Variants in RORA observed in about 807,000 individuals in gnomAD.
RORA encodes nuclear receptor ROR-alpha.
RORA carries 7 observed loss-of-function variants against 69.5 expected under a neutral mutation model. The observed-to-expected ratio is 0.10, with a 90% CI of 0.06 to 0.19. The LOEUF (loss-of-function observed/expected upper bound fraction) is 0.19. Among genes scored for constraint, RORA ranks in the 10% least tolerant of loss-of-function variants. The probability of loss-of-function intolerance (pLI) is 1.00; values close to 1 mark genes in which losing one functional copy is unlikely to be tolerated. For synonymous variants in RORA, 261 were observed against 240.8 expected (o/e 1.08, Z -0.78); for missense variants, 457 against 663.0 (o/e 0.69, Z 3.41).
chr15:61,009,105 T>C (rs1895008686), intron 1 of RORA, among the ~76,000 whole-genome samples: 1 of 152,172 alleles, frequency 6.6e-6, no homozygotes, highest in South Asian at 2.1e-4. Flanking sequence ...TGAAAGAATG[T>C]CATATGCCAT....
intron 1 of RORA, among the ~76,000 whole-genome samples, chr15:60,851,020 G>C (rs1260191666): frequency 6.6e-6 from 1 of 152,168 alleles, no homozygotes; most frequent in African/African-American, 2.4e-5. Context: ...GTTGCTGAGT[G>C]AGTGGGTGTG....
At chr15:60,711,279 T>A (rs1389659300) in intron 1 of RORA, among the ~76,000 whole-genome samples, 1 of 152,198 alleles carries the variant, frequency 6.6e-6, no homozygotes, top group Admixed American at 6.5e-5. Context: ...CTAAACTGCA[T>A]ACTTCTGCAG....
At chr15:60,792,906 C>T (rs1015026042) in intron 1 of RORA, among the ~76,000 whole-genome samples, 2 of 152,052 alleles carry the variant, frequency 1.3e-5, no homozygotes, top group Non-Finnish European at 2.9e-5. Flanking sequence ...CAAATTTATA[C>T]CATATAATCA....
chr15:60,943,420 T>A (rs949453519), intron 1 of RORA, among the ~76,000 whole-genome samples: 1 of 152,038 alleles, frequency 6.6e-6, no homozygotes, highest in Non-Finnish European at 1.5e-5. Flanking sequence ...CTTTGCTGTA[T>A]CAAGGTCATA....
At chr15:60,777,961 C>G (rs16943102) in intron 1 of RORA, among the ~76,000 whole-genome samples, 1 of 152,158 alleles carries the variant, frequency 6.6e-6, no homozygotes, top group Non-Finnish European at 1.5e-5. Context: ...CCTTGAATAT[C>G]GAACCCAGAA....
chr15:61,028,529 G>C (rs1284616769), intron 1 of RORA, among the ~76,000 whole-genome samples: 1 of 152,186 alleles, frequency 6.6e-6, no homozygotes, highest in African/African-American at 2.4e-5. Context: ...GCCCCCTCTA[G>C]TTTACAGTCT....
chr15:60,977,626 T>A (rs1893914307), intron 1 of RORA, among the ~76,000 whole-genome samples: 1 of 152,162 alleles, frequency 6.6e-6, no homozygotes, highest in Admixed American at 6.5e-5. Flanking sequence ...TTCCCTCTCC[T>A]TCATCCCCTG....
At chr15:60,690,079 G>T (rs2070800952) in intron 1 of RORA, among the ~76,000 whole-genome samples, 1 of 152,140 alleles carries the variant, frequency 6.6e-6, no homozygotes, top group African/African-American at 2.4e-5. Flanking sequence ...TACTACAAAG[G>T]TCCAGGAAAT....
At chr15:61,169,710 T>C (rs1161488028) in intron 1 of RORA, among the ~76,000 whole-genome samples, 1 of 151,804 alleles carries the variant, frequency 6.6e-6, no homozygotes, top group African/African-American at 2.4e-5. Flanking sequence ...TTGCATTGGA[T>C]GCTGAAGCCA....
At chr15:60,926,843 T>C (rs1892233418) in intron 1 of RORA, among the ~76,000 whole-genome samples, 1 of 152,228 alleles carries the variant, frequency 6.6e-6, no homozygotes, top group African/African-American at 2.4e-5. Context: ...GTCTATATGA[T>C]GTAATTAATC....
At chr15:61,164,001 G>C (rs1032749596) in intron 1 of RORA, among the ~76,000 whole-genome samples, 1 of 152,170 alleles carries the variant, frequency 6.6e-6, no homozygotes, top group African/African-American at 2.4e-5. Context: ...CTGTTAGATA[G>C]TTTAAACACC....
chr15:60,679,108 G>C (rs2070601583), intron 1 of RORA, among the ~76,000 whole-genome samples: 1 of 152,132 alleles, frequency 6.6e-6, no homozygotes, highest in East Asian at 1.9e-4. Context: ...ATGGCCATTG[G>C]TTCTGTGTTT....
intron 1 of RORA, among the ~76,000 whole-genome samples, chr15:60,946,161 C>A (rs1052012092): frequency 6.6e-6 from 1 of 152,186 alleles, no homozygotes; most frequent in African/African-American, 2.4e-5. Context: ...CAGCGTCCCC[C>A]ACCCTGAGTG....
chr15:61,041,644 G>C (rs879393383), intron 1 of RORA, among the ~76,000 whole-genome samples: 2 of 152,020 alleles, frequency 1.3e-5, no homozygotes, highest in Non-Finnish European at 2.9e-5. Context: ...CTGCAGCCTC[G>C]AACTCCTGGG....
chr15:60,614,460 G>T (rs895624878), intron 2 of RORA, among the ~76,000 whole-genome samples: 1 of 152,170 alleles, frequency 6.6e-6, no homozygotes, highest in Non-Finnish European at 1.5e-5. Context: ...GAGCATTAAG[G>T]TTGATTCTTT....
At chr15:61,148,017 T>C (rs754044190) in intron 1 of RORA, among the ~76,000 whole-genome samples, 1 of 152,192 alleles carries the variant, frequency 6.6e-6, no homozygotes, top group African/African-American at 2.4e-5. Flanking sequence ...AGAAGGATCA[T>C]TCTGGCAGTA....
intron 1 of RORA, among the ~76,000 whole-genome samples, chr15:60,798,280 G>A (rs1407864144): frequency 6.7e-6 from 1 of 148,294 alleles, no homozygotes; most frequent in Non-Finnish European, 1.5e-5. Context: ...CACCTGCAGT[G>A]TACTTACAAA....
At chr15:61,172,089 T>C (rs1448333553) in intron 1 of RORA, among the ~76,000 whole-genome samples, 1 of 152,080 alleles carries the variant, frequency 6.6e-6, no homozygotes, top group East Asian at 1.9e-4. Flanking sequence ...GAGAACAATA[T>C]ATATTGTAGA....
chr15:60,706,735 G>C (rs939601903), intron 1 of RORA, among the ~76,000 whole-genome samples: 1 of 152,176 alleles, frequency 6.6e-6, no homozygotes. Flanking sequence ...CAGGAAGAGA[G>C]TGCTTCTGCA....
Sources: allele counts gnomAD v4.1 joint callset (sites outside exome capture counted in the v4.1 genomes callset), GRCh38; gene constraint gnomAD v4.1.1; transcripts MANE v1.5; gene names NCBI Gene and HGNC (gene_info 2026-07-23, HGNC 2026-07-21).